CFTR: variants seen among roughly 807,000 people sequenced by gnomAD.
The protein encoded by CFTR is CF transmembrane conductance regulator.
In CFTR, 181 loss-of-function variants were observed where a neutral mutation model predicts 171.6. That is an observed-to-expected ratio of 1.05 (90% CI 0.93 to 1.19). CFTR has a LOEUF of 1.19. CFTR is among the 50% of genes most tolerant of loss of function. The probability of loss-of-function intolerance (pLI) is 0.00; values close to 1 mark genes in which losing one functional copy is unlikely to be tolerated. For missense variants in CFTR, 1,968 were observed against 1,734.7 expected (o/e 1.13, Z -2.39); for synonymous variants, 583 against 608.0 (o/e 0.96, Z 0.60).
At chr7:117,550,579 G>A (rs533538837) in intron 10 of CFTR, among the ~76,000 whole-genome samples, 1 of 152,168 alleles carries the variant, frequency 6.6e-6, no homozygotes, top group East Asian at 1.9e-4. Context: ...GTTAGCAATG[G>A]TCTAAACAAG....
intron 11 of CFTR, among the ~76,000 whole-genome samples, chr7:117,568,365 G>A (rs1562901302): frequency 1.3e-5 from 2 of 152,132 alleles, no homozygotes; most frequent in African/African-American, 4.8e-5. Flanking sequence ...ACTGCAACAT[G>A]AAGTATGGAG....
At chr7:117,580,927 T>G (rs1256575221) in intron 11 of CFTR, among the ~76,000 whole-genome samples, 2 of 152,142 alleles carry the variant, frequency 1.3e-5, no homozygotes, top group African/African-American at 4.8e-5. Flanking sequence ...TTTTTACTGC[T>G]GAAACATATT....
intron 23 of CFTR, among the ~76,000 whole-genome samples, chr7:117,645,553 G>C (rs2116177863): frequency 6.6e-6 from 1 of 152,322 alleles, no homozygotes; most frequent in Middle Eastern, 3.4e-3. Context: ...CCCCACATCA[G>C]TCATCCTTCC....
At chr7:117,541,056 G>A (rs1011776348) in intron 8 of CFTR, among the ~76,000 whole-genome samples, 6 of 152,260 alleles carry the variant, frequency 3.9e-5, no homozygotes, top group East Asian at 1.9e-4. Context: ...TGCTCACAGA[G>A]CACCTGCCCT....
At chr7:117,572,622 T>C (rs975826424) in intron 11 of CFTR, among the ~76,000 whole-genome samples, 1 of 152,154 alleles carries the variant, frequency 6.6e-6, no homozygotes. Flanking sequence ...TTGGCTCTCT[T>C]ACGTTCTCTC....
At chr7:117,594,128 A>ATGC (rs1437432576) in intron 14 of CFTR, among the ~76,000 whole-genome samples, 1 of 152,174 alleles carries the variant, frequency 6.6e-6, no homozygotes, top group Non-Finnish European at 1.5e-5. Flanking sequence ...GTTCGGCAAC[A>ATGC]TGCTTGAATT....
At chr7:117,649,883 T>A (rs1793062316) in intron 23 of CFTR, among the ~76,000 whole-genome samples, 1 of 152,072 alleles carries the variant, frequency 6.6e-6, no homozygotes, top group African/African-American at 2.4e-5. Context: ...AAGATACCCC[T>A]GAGGAAGTGA....
chr7:117,550,752 A>C (rs1799255934), intron 10 of CFTR, among the ~76,000 whole-genome samples: 1 of 152,206 alleles, frequency 6.6e-6, no homozygotes, highest in Admixed American at 6.5e-5. Context: ...TTTTATTAAA[A>C]TTGATGAGCA....
chr7:117,631,318 G>C (rs376889943), intron 22 of CFTR, among the ~76,000 whole-genome samples: 8 of 152,140 alleles, frequency 5.3e-5, no homozygotes, highest in African/African-American at 1.9e-4. Context: ...TCCTGAAATA[G>C]CTCTAGAGAA....
intron 3 of CFTR, among the ~76,000 whole-genome samples, chr7:117,525,130 T>C (rs1380560314): frequency 6.6e-6 from 1 of 152,230 alleles, no homozygotes; most frequent in Non-Finnish European, 1.5e-5. Flanking sequence ...CACCTGCCTG[T>C]CTGCTATCAT....
At chr7:117,599,562 AT>A (rs1792190732) in intron 15 of CFTR, among the ~76,000 whole-genome samples, 1 of 151,896 alleles carries the variant, frequency 6.6e-6, no homozygotes, top group Non-Finnish European at 1.5e-5. Flanking sequence ...GGACAAAACA[AT>A]TGATATTGCC....
At chr7:117,516,607 G>A (rs148958461) in intron 3 of CFTR, among the ~76,000 whole-genome samples, 1 of 152,226 alleles carries the variant, frequency 6.6e-6, no homozygotes, top group East Asian at 1.9e-4. Context: ...GGGTGGCGGT[G>A]GGGAGGGGAC....
chr7:117,593,755 C>T (rs937208542), intron 14 of CFTR, among the ~76,000 whole-genome samples: 4 of 151,872 alleles, frequency 2.6e-5, no homozygotes, highest in East Asian at 1.9e-4. Flanking sequence ...ACCACCATGC[C>T]GAGCTAATTT....
At chr7:117,627,009 G>T (rs937034517) in intron 21 of CFTR, among the ~76,000 whole-genome samples, 1 of 152,010 alleles carries the variant, frequency 6.6e-6, no homozygotes, top group African/African-American at 2.4e-5. Context: ...GTATGCCAAT[G>T]ACTTAAATTG....
rs535866837 is a variant in CFTR, at chr7:117,503,229, G to C, written c.54-1024G>C. On this transcript the variant is annotated intron_variant, in intron 1 of 26. Coordinates refer to ENST00000003084, the MANE Select transcript of CFTR (RefSeq NM_000492.4). ...ATTTTGGTGCTTTAACATGCATTTTGATACATTACCAAATAAGGTCTGAAT... is the reference window on the plus strand; with the variant it reads ...ATTTTGGTGCTTTAACATGCATTTTCATACATTACCAAATAAGGTCTGAAT... Among the ~76,000 whole-genome samples the C allele has an allele frequency of 6.6e-5, 10 of 152,246 alleles. No individual in the cohort carries two copies. In the South Asian group the frequency reaches 1.9e-3, roughly 28 times the overall value.
intron 11 of CFTR, among the ~76,000 whole-genome samples, chr7:117,583,065 G>T (rs1406443537): frequency 6.6e-6 from 1 of 152,116 alleles, no homozygotes; most frequent in Admixed American, 6.6e-5. Context: ...ACCTAAGATA[G>T]AAATTTGACT....
At chr7:117,492,986 T>C (rs1798184824) in intron 1 of CFTR, among the ~76,000 whole-genome samples, 1 of 152,024 alleles carries the variant, frequency 6.6e-6, no homozygotes, top group African/African-American at 2.4e-5. Flanking sequence ...AATAGGATAA[T>C]CTTTTTAAAA....
chr7:117,577,560 A>G (rs1355532862), intron 11 of CFTR, among the ~76,000 whole-genome samples: 1 of 152,152 alleles, frequency 6.6e-6, no homozygotes, highest in Non-Finnish European at 1.5e-5. Context: ...ATCCTGTTAC[A>G]TAACATAATA....
chr7:117,652,833 T>A lies in CFTR; in HGVS notation c.3874-9T>A. On this transcript the variant is annotated splice_polypyrimidine_tract_variant and intron_variant, in intron 23 of 26. Transcript: ENST00000003084. Reference sequence around the variant, plus strand: ...TCATACTTTCTTCTTCTTTTCTTTTTTGCTATAGAAAGTATTTATTTTTTC... The same window carrying A: ...TCATACTTTCTTCTTCTTTTCTTTTATGCTATAGAAAGTATTTATTTTTTC... The A allele has an allele frequency of 7.6e-7, 1 of 1,309,942 alleles. No homozygotes were observed. The highest frequency in any genetic ancestry group is 1.1e-6 in the Non-Finnish European group (1 of 907,758). 81.1% of individuals were successfully genotyped at this position (1,309,942 alleles called of 1,614,324 possible). A position where few individuals can be genotyped will look rare whatever the true frequency, so the allele number is the denominator to read the frequency against.
Sources: gnomAD v4.1 joint callset for allele counts (sites outside exome capture counted in the v4.1 genomes callset) on GRCh38, gnomAD v4.1.1 for gene constraint, MANE v1.5 for transcripts, NCBI Gene and HGNC (gene_info 2026-07-23, HGNC 2026-07-21) for gene names.